Variants in MYO3A observed in about 807,000 individuals in gnomAD.
The protein encoded by MYO3A is myosin IIIA, also known as myosin-IIIa.
A neutral mutation model predicts 192.7 loss-of-function variants in MYO3A; 180 were observed. The ratio of observed to expected loss-of-function variants is 0.93; its 90% CI spans 0.83 to 1.06. The LOEUF (loss-of-function observed/expected upper bound fraction) is 1.06. Among genes scored for constraint, MYO3A ranks in the 50% least tolerant of loss-of-function variants. The pLI is 0.00. For missense variants in MYO3A, 1,896 were observed against 1,905.0 expected (o/e 1.00, Z 0.09); for synonymous variants, 628 against 645.3 (o/e 0.97, Z 0.41).
chr10:26,161,488 A>T (rs1841483781), intron 26 of MYO3A, among the ~76,000 whole-genome samples: 2 of 152,164 alleles, frequency 1.3e-5, no homozygotes, highest in Admixed American at 1.3e-4. Flanking sequence ...ATACAACTAG[A>T]ACTTACTGAA....
At chr10:26,067,221 T>C in intron 11 of MYO3A, 147 bp downstream of exon 11, 1 of 628,182 alleles carries the variant, frequency 1.6e-6, no homozygotes, top group Non-Finnish European at 2.8e-6. Context: ...GTCTCCCATC[T>C]GTAAGTCTCA....
chr10:25,978,556 T>C (rs779635495), intron 4 of MYO3A, among the ~76,000 whole-genome samples: 3 of 152,160 alleles, frequency 2.0e-5, no homozygotes, highest in South Asian at 2.1e-4. Flanking sequence ...CACATGGAAA[T>C]TGAAGATGAG....
chr10:25,937,418 G>A (rs1833545340), intron 2 of MYO3A, among the ~76,000 whole-genome samples: 1 of 152,198 alleles, frequency 6.6e-6, no homozygotes, highest in Non-Finnish European at 1.5e-5. Flanking sequence ...TAGCTTAACT[G>A]TCATCCTTTG....
intron 32 of MYO3A, among the ~76,000 whole-genome samples, chr10:26,196,479 T>A (rs1379597337): frequency 6.6e-6 from 1 of 152,202 alleles, no homozygotes; most frequent in Non-Finnish European, 1.5e-5. Context: ...GGGAATAGGA[T>A]CCTTTTTAAT....
chr10:26,176,135 A>G (rs1486171088), intron 30 of MYO3A, among the ~76,000 whole-genome samples: 1 of 152,104 alleles, frequency 6.6e-6, no homozygotes, highest in Non-Finnish European at 1.5e-5. Flanking sequence ...TCTACTAAAA[A>G]TACAAAAAAT....
chr10:26,091,266 G>T (rs142654912), intron 15 of MYO3A, among the ~76,000 whole-genome samples: 50 of 152,144 alleles, frequency 3.3e-4, no homozygotes, highest in African/African-American at 1.1e-3. Flanking sequence ...TGCCTCTGGC[G>T]ATGTCATCCC....
intron 17 of MYO3A, 31 bp downstream of exon 17, chr10:26,096,713 G>A (rs1281098991): frequency 1.4e-6 from 2 of 1,411,772 alleles, no homozygotes; most frequent in Non-Finnish European, 2.0e-6. Flanking sequence ...AACTTCTTTA[G>A]AAAGTATCTT....
chr10:25,968,932 C>G (rs1392698880), intron 4 of MYO3A, among the ~76,000 whole-genome samples: 1 of 152,146 alleles, frequency 6.6e-6, no homozygotes, highest in African/African-American at 2.4e-5. Flanking sequence ...TTCAAGTAAC[C>G]CTTATTTTAC....
At chr10:26,180,366 A>T (rs940758592) in intron 31 of MYO3A, among the ~76,000 whole-genome samples, 4 of 152,232 alleles carry the variant, frequency 2.6e-5, no homozygotes, top group Non-Finnish European at 5.9e-5. Flanking sequence ...TTCTTTAACA[A>T]TATGAAGAAT....
chr10:26,144,956 A>G (rs1228179726), intron 21 of MYO3A, among the ~76,000 whole-genome samples: 1 of 152,194 alleles, frequency 6.6e-6, no homozygotes, highest in African/African-American at 2.4e-5. Context: ...CAGGTGGATC[A>G]CCTGAGGTCA....
chr10:26,151,511 G>A (rs1840786491), intron 23 of MYO3A, among the ~76,000 whole-genome samples: 1 of 151,912 alleles, frequency 6.6e-6, no homozygotes, highest in African/African-American at 2.4e-5. Context: ...GTGAGTGAAT[G>A]GCATATCTTT....
chr10:26,091,016 C>G (rs1399795464), intron 15 of MYO3A, among the ~76,000 whole-genome samples: 1 of 152,206 alleles, frequency 6.6e-6, no homozygotes, highest in African/African-American at 2.4e-5. Context: ...ATCCCAGCCT[C>G]TCTCTCCTTC....
intron 4 of MYO3A, among the ~76,000 whole-genome samples, chr10:25,957,771 T>A (rs1837651020): frequency 6.6e-6 from 1 of 152,222 alleles, no homozygotes; most frequent in Admixed American, 6.5e-5. Flanking sequence ...TTTTGACTTT[T>A]TAAAAATAGC....
chr10:26,001,449 C>T (rs1840806596), intron 6 of MYO3A, among the ~76,000 whole-genome samples: 1 of 152,198 alleles, frequency 6.6e-6, no homozygotes, highest in African/African-American at 2.4e-5. Flanking sequence ...AAATGGGAGT[C>T]AGCCAGAACT....
rs147494150 is a variant in MYO3A at position 26,061,518 on chromosome 10, G to T, written c.954-5457G>T. Among the ~76,000 whole-genome samples, 1,320 of 152,264 alleles carry T rather than the reference G, an allele frequency of 8.7e-3. 15 individuals carry two copies. The highest frequency in any genetic ancestry group is 0.029 in the African/African-American group (1,201 of 41,542). ...GAACAAAGTACAGAGTCTTGAAAAT[G>T]CTTGGTATATTAAGAGCCCTTCTGT... On this transcript the variant is annotated intron_variant, in intron 10 of 34. Coordinates refer to ENST00000642920, the MANE Select transcript of MYO3A (RefSeq NM_017433.5).
intron 16 of MYO3A, 23 bp downstream of exon 16, chr10:26,096,502 C>A: frequency 6.2e-7 from 1 of 1,603,500 alleles, no homozygotes; most frequent in South Asian, 1.1e-5. Flanking sequence ...GTTGAGCTTT[C>A]ATCAATAATA....
intron 28 of MYO3A, among the ~76,000 whole-genome samples, chr10:26,169,951 T>C (rs964621271): frequency 2.0e-5 from 3 of 152,232 alleles, no homozygotes; most frequent in African/African-American, 7.2e-5. Flanking sequence ...TCATTGATTA[T>C]TGGGCGCTGC....
chr10:26,000,797 C>A (rs148036176), intron 6 of MYO3A, among the ~76,000 whole-genome samples: 9,712 of 152,080 alleles, frequency 0.064, 403 homozygotes, highest in Non-Finnish European at 0.094. Flanking sequence ...CCCATTCTCA[C>A]ACTGCTATAA....
chr10:26,117,219 T>C (rs997893787), intron 17 of MYO3A, among the ~76,000 whole-genome samples: 2 of 152,158 alleles, frequency 1.3e-5, no homozygotes. Flanking sequence ...TCCCTTAAAC[T>C]TTATGATGGA....
Sources: gnomAD v4.1 joint callset for allele counts (sites outside exome capture counted in the v4.1 genomes callset) on GRCh38, gnomAD v4.1.1 for gene constraint, MANE v1.5 for transcripts, NCBI Gene and HGNC (gene_info 2026-07-23, HGNC 2026-07-21) for gene names.